ZNF438: variants seen among roughly 807,000 people sequenced by gnomAD.
The protein encoded by ZNF438 is zinc finger protein 438.
In ZNF438, 25 loss-of-function variants were observed where a neutral mutation model predicts 38.0. The ratio of observed to expected loss-of-function variants is 0.66; its 90% CI spans 0.48 to 0.92. The LOEUF (loss-of-function observed/expected upper bound fraction) is 0.92, where lower values mean the gene tolerates loss of function less well. Ranked by LOEUF, ZNF438 falls within the 40% of genes least tolerant of loss-of-function variation. ZNF438 has a pLI of 0.00. For synonymous variants in ZNF438, 372 were observed against 364.1 expected (o/e 1.02, Z -0.25); for missense variants, 1,007 against 999.6 (o/e 1.01, Z -0.10).
intron 1 of ZNF438, among the ~76,000 whole-genome samples, chr10:30,955,680 A>T (rs191646425): frequency 1.1e-4 from 17 of 152,318 alleles, no homozygotes; most frequent in Admixed American, 8.5e-4. Context: ...TGCAACCAAA[A>T]ATCACCAAGC....
chr10:30,852,815 T>A (rs942681136), intron 4 of ZNF438, among the ~76,000 whole-genome samples: 2 of 152,254 alleles, frequency 1.3e-5, no homozygotes, highest in African/African-American at 4.8e-5. Flanking sequence ...TTGGTTACCG[T>A]GAATTCCGCT....
At position 30,924,740 on chromosome 10, in the gene ZNF438, C is replaced by G. The variant is rs150190818; in HGVS notation, c.-114-15725G>C. 4.6e-3 allele frequency among the ~76,000 whole-genome samples: 707 copies of G among 152,120 alleles called. 8 individuals are homozygous for G. The highest frequency in any genetic ancestry group is 0.016 in the African/African-American group (666 of 41,520). On this transcript the variant is annotated intron_variant, in intron 2 of 5. Transcript: ENST00000413025. Reference sequence around the variant, plus strand: ...TCAAAAGTATCAAATCCCTGAAAGACAAGAAAAGATCAAGAAACTGCCTTA... The same window carrying G: ...TCAAAAGTATCAAATCCCTGAAAGAGAAGAAAAGATCAAGAAACTGCCTTA...
chr10:30,981,899 T>C (rs2052205876), intron 1 of ZNF438, among the ~76,000 whole-genome samples: 1 of 151,014 alleles, frequency 6.6e-6, no homozygotes, highest in Non-Finnish European at 1.5e-5. Flanking sequence ...AAAAGTTCAA[T>C]ATATACTAGC....
At chr10:30,935,258 T>C (rs1444951845) in intron 2 of ZNF438, among the ~76,000 whole-genome samples, 1 of 152,230 alleles carries the variant, frequency 6.6e-6, no homozygotes, top group East Asian at 1.9e-4. Flanking sequence ...AGTGTTGCTA[T>C]AAATATGTCA....
chr10:30,928,287 C>A (rs1436460112), intron 2 of ZNF438, among the ~76,000 whole-genome samples: 1 of 152,112 alleles, frequency 6.6e-6, no homozygotes, highest in African/African-American at 2.4e-5. Context: ...GTCATTGAAT[C>A]CTAAAAATAA....
chr10:30,872,469 G>C (rs1250072350), intron 4 of ZNF438, among the ~76,000 whole-genome samples: 10 of 112,544 alleles, frequency 8.9e-5, no homozygotes, highest in Non-Finnish European at 1.8e-4. Flanking sequence ...AAAAAAAAGA[G>C]GTCAGGCGCA....
At chr10:31,025,067 C>T (rs2056851182) in intron 1 of ZNF438, among the ~76,000 whole-genome samples, 2 of 152,152 alleles carry the variant, frequency 1.3e-5, no homozygotes, top group South Asian at 4.1e-4. Context: ...ACCAAATTAG[C>T]TCAGCTATCC....
chr10:30,944,265 C>A (rs1263330991), intron 1 of ZNF438, among the ~76,000 whole-genome samples: 1 of 152,152 alleles, frequency 6.6e-6, no homozygotes, highest in Non-Finnish European at 1.5e-5. Context: ...GTAAACACTA[C>A]AGGGCAAGTT....
intron 1 of ZNF438, among the ~76,000 whole-genome samples, chr10:30,966,562 C>A (rs772021928): frequency 8.0e-5 from 12 of 150,192 alleles, no homozygotes; most frequent in Non-Finnish European, 1.0e-4. Flanking sequence ...CTCAGCTACT[C>A]GGGAGGCTGA....
At chr10:30,911,470 A>T (rs1805507504) in intron 2 of ZNF438, among the ~76,000 whole-genome samples, 1 of 152,180 alleles carries the variant, frequency 6.6e-6, no homozygotes, top group Non-Finnish European at 1.5e-5. Context: ...TCCACAGAAC[A>T]TCTCATGCCT....
intron 3 of ZNF438, among the ~76,000 whole-genome samples, chr10:30,887,049 T>TGTCTTTCA (rs1354414253): frequency 1.3e-5 from 2 of 152,180 alleles, no homozygotes; most frequent in African/African-American, 4.8e-5. Context: ...CCTGTGAGCG[T>TGTCTTTCA]GTCTTTCATA....
At chr10:30,970,637 C>T (rs2050640408) in intron 1 of ZNF438, among the ~76,000 whole-genome samples, 1 of 152,074 alleles carries the variant, frequency 6.6e-6, no homozygotes, top group Admixed American at 6.5e-5. Flanking sequence ...CTTTTTTTCT[C>T]TCAACCTACC....
At chr10:30,853,124 G>C (rs114902908) in intron 4 of ZNF438, among the ~76,000 whole-genome samples, 2,043 of 152,122 alleles carry the variant, frequency 0.013, 31 homozygotes, top group African/African-American at 0.047. Flanking sequence ...AATGTTCTTT[G>C]CATTTACACA....
chr10:31,012,706 T>C (rs2055824190), intron 1 of ZNF438, among the ~76,000 whole-genome samples: 1 of 152,144 alleles, frequency 6.6e-6, no homozygotes. Flanking sequence ...TGACTCTCTC[T>C]TTCCCACTTC....
intron 1 of ZNF438, among the ~76,000 whole-genome samples, chr10:30,973,662 A>G (rs1470355536): frequency 6.6e-6 from 1 of 152,342 alleles, no homozygotes; most frequent in East Asian, 1.9e-4. Context: ...AAACTTTTCA[A>G]CTAATTTTTA....
At chr10:30,947,826 G>C (rs1419385745) in intron 1 of ZNF438, among the ~76,000 whole-genome samples, 1 of 152,220 alleles carries the variant, frequency 6.6e-6, no homozygotes, top group African/African-American at 2.4e-5. Context: ...GACTCGGAAA[G>C]GGAACTCCCT....
At chr10:30,959,221 T>C (rs2049192948) in intron 1 of ZNF438, among the ~76,000 whole-genome samples, 1 of 146,998 alleles carries the variant, frequency 6.8e-6, no homozygotes, top group African/African-American at 2.4e-5. Context: ...GATCTGCATT[T>C]AGACTGTTAG....
intron 1 of ZNF438, among the ~76,000 whole-genome samples, chr10:30,954,312 C>T (rs1195506541): frequency 1.3e-5 from 2 of 152,078 alleles, no homozygotes; most frequent in African/African-American, 4.8e-5. Context: ...TTTTAAAGAA[C>T]CAGGACTTGA....
intron 1 of ZNF438, among the ~76,000 whole-genome samples, chr10:30,967,007 T>G (rs1016853197): frequency 6.6e-6 from 1 of 152,012 alleles, no homozygotes; most frequent in African/African-American, 2.4e-5. Flanking sequence ...AGTTGATGAC[T>G]GAGGACAAAG....
Sources: allele counts gnomAD v4.1 joint callset (sites outside exome capture counted in the v4.1 genomes callset), GRCh38; gene constraint gnomAD v4.1.1; transcripts MANE v1.5; gene names NCBI Gene and HGNC (gene_info 2026-07-23, HGNC 2026-07-21).